Variants in HNRNPR observed in about 807,000 individuals in gnomAD.
HNRNPR encodes heterogeneous nuclear ribonucleoprotein R.
In HNRNPR, 4 loss-of-function variants were observed where a neutral mutation model predicts 70.3. The ratio of observed to expected loss-of-function variants is 0.06; its 90% CI spans 0.03 to 0.13. The LOEUF (loss-of-function observed/expected upper bound fraction) is 0.13. HNRNPR is among the 10% of genes least tolerant of loss of function. The pLI is 1.00. For synonymous variants in HNRNPR, 241 were observed against 267.6 expected, an observed-to-expected ratio of 0.90 and a Z score of 0.97; for missense variants, 423 against 788.5, an observed-to-expected ratio of 0.54 and a Z score of 5.55.
At chr1:23,338,045 A>G in intron 3 of HNRNPR, 184 bp from the exon 4 acceptor site, 2 of 534,714 alleles carry the variant, frequency 3.7e-6, no homozygotes, top group South Asian at 5.1e-5. Context: ...AAGGCAGTAT[A>G]GACCTCAGGG....
At chr1:23,313,438 A>G in intron 9 of HNRNPR, 115 bp downstream of exon 9, 2 of 704,778 alleles carry the variant, frequency 2.8e-6, no homozygotes, top group South Asian at 2.0e-5. Context: ...TTAAATAGAA[A>G]GAGTTCAGCA....
intron 10 of HNRNPR, 64 bp from the exon 11 acceptor site, chr1:23,311,130 T>C (rs1645320143): frequency 6.2e-7 from 1 of 1,608,134 alleles, no homozygotes; most frequent in African/African-American, 1.3e-5. Flanking sequence ...TCTGATTTTG[T>C]TTTATTAATC....
intron 5 of HNRNPR, among the ~76,000 whole-genome samples, chr1:23,330,189 A>G (rs1174720948): frequency 6.6e-6 from 1 of 152,168 alleles, no homozygotes; most frequent in Admixed American, 6.5e-5. Flanking sequence ...ATAAGAATTT[A>G]TTATACACAG....
chr1:23,332,442 C>A (rs1299993448), intron 5 of HNRNPR, among the ~76,000 whole-genome samples: 1 of 150,952 alleles, frequency 6.6e-6, no homozygotes, highest in Non-Finnish European at 1.5e-5. Flanking sequence ...GTGGCTCACG[C>A]CTGTAATCCC....
At chr1:23,314,396 G>A (rs548855256) in intron 8 of HNRNPR, among the ~76,000 whole-genome samples, 1 of 151,922 alleles carries the variant, frequency 6.6e-6, no homozygotes, top group Non-Finnish European at 1.5e-5. Flanking sequence ...ACTTCTATAT[G>A]GCAAAAAAAT....
intron 1 of HNRNPR, 65 bp downstream of exon 1, chr1:23,344,146 C>T (rs1340114934): frequency 2.0e-5 from 3 of 152,106 alleles, no homozygotes; most frequent in African/African-American, 4.8e-5. Context: ...GGCACGGAGC[C>T]CGGGCTGAGT....
intron 5 of HNRNPR, among the ~76,000 whole-genome samples, chr1:23,330,619 G>A (rs903926294): frequency 6.6e-6 from 1 of 152,208 alleles, no homozygotes; most frequent in Non-Finnish European, 1.5e-5. Flanking sequence ...TACAACTAGA[G>A]TAGGTCTGAG....
intron 5 of HNRNPR, among the ~76,000 whole-genome samples, chr1:23,328,035 A>T (rs1233819118): frequency 1.3e-5 from 2 of 152,086 alleles, no homozygotes; most frequent in African/African-American, 4.8e-5. Context: ...AGAAGTCTGA[A>T]GAAAGAGCAT....
intron 5 of HNRNPR, among the ~76,000 whole-genome samples, chr1:23,327,898 C>A (rs1646054093): frequency 6.7e-6 from 1 of 148,718 alleles, no homozygotes; most frequent in Non-Finnish European, 1.5e-5. Context: ...TGTCTCATGC[C>A]TATAATCCCA....
intron 8 of HNRNPR, among the ~76,000 whole-genome samples, chr1:23,317,683 C>G (rs187992570): frequency 4.6e-5 from 7 of 151,874 alleles, no homozygotes; most frequent in South Asian, 2.1e-4. Flanking sequence ...CTAAGGGAAT[C>G]TGATCATTTA....
intron 4 of HNRNPR, among the ~76,000 whole-genome samples, chr1:23,335,480 T>C (rs899937132): frequency 2.0e-5 from 3 of 152,218 alleles, no homozygotes; most frequent in African/African-American, 7.2e-5. Context: ...TTCATCTGTA[T>C]TTACAGCCGC....
chr1:23,324,937 G>C (rs139380083), intron 5 of HNRNPR, among the ~76,000 whole-genome samples: 71 of 151,884 alleles, frequency 4.7e-4, no homozygotes, highest in African/African-American at 1.7e-3. Context: ...TCAGGAGACC[G>C]AGACCATCCT....
intron 4 of HNRNPR, among the ~76,000 whole-genome samples, chr1:23,335,062 C>T (rs972965326): frequency 3.3e-5 from 5 of 152,208 alleles, no homozygotes; most frequent in Non-Finnish European, 5.9e-5. Context: ...GGACTACAGG[C>T]GCCTGCCACC....
chr1:23,340,721 G>T (rs1217892440), intron 2 of HNRNPR, 131 bp downstream of exon 2: 3 of 733,904 alleles, frequency 4.1e-6, no homozygotes, highest in Non-Finnish European at 4.3e-6. Context: ...CTTCAATGAA[G>T]GGAAAGTAAC....
rs148049929 is a variant in HNRNPR, at chr1:23,340,760, A to G, written c.157+92T>C. The G allele has an allele frequency of 8.6e-5, 89 of 1,031,262 alleles. No individual in the cohort carries two copies. The East Asian group carries it at 9.6e-4, about 11-fold the overall frequency. 63.9% of individuals were successfully genotyped at this position (1,031,262 alleles called of 1,614,324 possible). On this transcript the variant is annotated intron_variant, in intron 2 of 10. Coordinates refer to ENST00000302271, the MANE Select transcript of HNRNPR (RefSeq NM_005826.5). ...CATTCAGCTCTACAGATCAGAAACAATAAGTATTATTTAACCTTAAAAAAC... is the reference window on the plus strand; with the variant it reads ...CATTCAGCTCTACAGATCAGAAACAGTAAGTATTATTTAACCTTAAAAAAC...
At chr1:23,327,552 T>C (rs1570026639) in intron 5 of HNRNPR, among the ~76,000 whole-genome samples, 1 of 151,992 alleles carries the variant, frequency 6.6e-6, no homozygotes, top group Admixed American at 6.6e-5. Context: ...TAGTCAGGCA[T>C]GGTGGCACAA....
chr1:23,339,226 T>C (rs1646619163), intron 2 of HNRNPR, among the ~76,000 whole-genome samples: 1 of 152,252 alleles, frequency 6.6e-6, no homozygotes, highest in Non-Finnish European at 1.5e-5. Context: ...CTTCTACAAA[T>C]GCAAGTGCAG....
chr1:23,338,607 T>C lies in HNRNPR; in HGVS notation c.159A>G (p.Gly53=), dbSNP rs1354175876. The change falls in exon 3 of 11, where the codon GGA becomes GGG. Residue 53 remains glycine (G), a splice_region_variant and synonymous_variant. Transcript: ENST00000302271. ...CATCAAGATCGACATAAGCTACCAA[T>C]CCTAAAAATTAAATTGAAAGGGGTA... ...AERLDEIFQT[G]LVAYVDLDER... The C allele has an allele frequency of 2.6e-6, 4 of 1,530,344 alleles. No homozygotes were observed. The highest frequency in any genetic ancestry group is 3.8e-5 in the Admixed American group (2 of 52,806). The allele number at this position is 1,530,344 out of a possible 1,614,324, so 94.8% of individuals were successfully genotyped here.
Position 23,309,164 on chromosome 1 carries a change from A to C in HNRNPR, c.*1290T>G, listed in dbSNP as rs1645251265. 6.6e-6 allele frequency: 1 copy of C among 152,130 alleles called. No individual in the cohort carries two copies. The highest frequency in any genetic ancestry group is 6.5e-5 in the Admixed American group (1 of 15,286). 9.4% of individuals were successfully genotyped at this position (152,130 alleles called of 1,614,324 possible). On this transcript the variant is annotated 3_prime_UTR_variant, in exon 11 of 11. Transcript: ENST00000302271. ...GATAAATAAAAATAAACGAAGTGTT[A>C]ACAGAAAGTCAAAGGTATTACTACT...
Sources: allele counts gnomAD v4.1 joint callset (sites outside exome capture counted in the v4.1 genomes callset), GRCh38; gene constraint gnomAD v4.1.1; transcripts MANE v1.5; gene names NCBI Gene and HGNC (gene_info 2026-07-23, HGNC 2026-07-21).